Variants in RIT2 observed in about 807,000 individuals in gnomAD.
RIT2 encodes GTP-binding protein Rit2.
Under a neutral mutation model 23.7 loss-of-function variants are expected in RIT2, and 24 were observed. That is an observed-to-expected ratio of 1.01 (90% CI 0.73 to 1.43). The LOEUF (loss-of-function observed/expected upper bound fraction) is 1.43. RIT2 is among the 40% of genes most tolerant of loss of function. RIT2 has a pLI of 0.00. For synonymous variants in RIT2, 107 were observed against 91.1 expected (o/e 1.17, Z -0.99); for missense variants, 236 against 266.9 (o/e 0.88, Z 0.81).
rs989818083 is a variant in RIT2 at position 42,974,073 on chromosome 18, C to T, written c.234+1G>A. On this transcript the variant is annotated splice_donor_variant, in intron 3 of 4. Coordinates refer to ENST00000326695, the MANE Select transcript of RIT2 (RefSeq NM_002930.4). LOFTEE classifies it high-confidence loss of function. The stretch of plus-strand genomic sequence containing the variant: ...TGGAGAGGTTTAAGAACATCACCTA[C>T]CTGGCCAGCAGTGTCCAAGATGTCC... 3 of 1,607,682 alleles carry T rather than the reference C, an allele frequency of 1.9e-6. No homozygotes were observed. The highest frequency in any genetic ancestry group is 3.4e-5 in the Admixed American group (2 of 59,588).
intron 2 of RIT2, among the ~76,000 whole-genome samples, chr18:43,033,418 T>C (rs1312218040): frequency 6.6e-6 from 1 of 152,148 alleles, no homozygotes; most frequent in East Asian, 1.9e-4. Context: ...TAAATAACTC[T>C]GCAGTAGAAA....
At chr18:42,919,865 T>C (rs903571867) in intron 4 of RIT2, among the ~76,000 whole-genome samples, 2 of 152,124 alleles carry the variant, frequency 1.3e-5, no homozygotes, top group South Asian at 2.1e-4. Flanking sequence ...TCTCCTTCTA[T>C]TCTCCAGTGG....
intron 4 of RIT2, among the ~76,000 whole-genome samples, chr18:42,869,378 G>A (rs138011870): frequency 9.2e-5 from 14 of 152,306 alleles, no homozygotes; most frequent in African/African-American, 1.7e-4. Context: ...CCTGCAGCCC[G>A]GTTCCAGGCC....
In RIT2 at chr18:42,881,928, A is replaced by G. The variant is rs540847153; in HGVS notation, c.426+41644T>C. On this transcript the variant is annotated intron_variant, in intron 4 of 4. Coordinates refer to ENST00000326695, the MANE Select transcript of RIT2 (RefSeq NM_002930.4). Reference sequence around the variant, plus strand: ...TTTTTACTTGTCATCTCAGGCATACAGGCGGATCACTCCAAACCACATTGC... The same window carrying G: ...TTTTTACTTGTCATCTCAGGCATACGGGCGGATCACTCCAAACCACATTGC... Among the ~76,000 whole-genome samples the G allele has an allele frequency of 4.6e-5, 7 of 152,372 alleles. No individual in the cohort carries two copies. In the East Asian group the frequency reaches 1.2e-3, roughly 25 times the overall value.
intron 2 of RIT2, among the ~76,000 whole-genome samples, chr18:42,992,925 C>T (rs1301860244): frequency 3.3e-5 from 5 of 152,122 alleles, no homozygotes; most frequent in African/African-American, 4.8e-5. Flanking sequence ...AATCTGCTCC[C>T]GACATGAAAT....
rs1270657417 is a variant in RIT2, at chr18:42,795,504, T to G, written c.427-51784A>C. On this transcript the variant is annotated intron_variant, in intron 4 of 4. Transcript: ENST00000326695. ...CTCGGGACCGGCAGCCCGCCATGCTTGAGCCTCCCACCCCCTCCATGGGCT... is the reference window on the plus strand; with the variant it reads ...CTCGGGACCGGCAGCCCGCCATGCTGGAGCCTCCCACCCCCTCCATGGGCT... Among the ~76,000 whole-genome samples, 3 of 152,356 alleles carry G rather than the reference T, an allele frequency of 2.0e-5. No individual in the cohort carries two copies. The East Asian group carries it at 5.8e-4, about 29-fold the overall frequency.
intron 4 of RIT2, among the ~76,000 whole-genome samples, chr18:42,787,210 A>G (rs1396658305): frequency 2.2e-5 from 3 of 137,008 alleles, no homozygotes; most frequent in Non-Finnish European, 4.5e-5. Flanking sequence ...ATTCCCACCT[A>G]TGAATGAGAA....
At chr18:42,997,997 A>G (rs1911024598) in intron 2 of RIT2, among the ~76,000 whole-genome samples, 1 of 152,194 alleles carries the variant, frequency 6.6e-6, no homozygotes, top group Admixed American at 6.5e-5. Flanking sequence ...CATCTAAGCC[A>G]CAGAACAATG....
chr18:42,810,036 TAA>T (rs1002983263), intron 4 of RIT2, among the ~76,000 whole-genome samples: 6 of 146,706 alleles, frequency 4.1e-5, no homozygotes, highest in African/African-American at 7.4e-5. Flanking sequence ...TATGTATATA[TAA>T]GTTACATATG....
rs146334344 is a variant in RIT2 at position 42,957,243 on chromosome 18, C to T, written c.234+16831G>A. Among the ~76,000 whole-genome samples, 4 of 152,226 alleles carry T rather than the reference C, an allele frequency of 2.6e-5. No individual in the cohort carries two copies. The East Asian group carries it at 7.7e-4, about 29-fold the overall frequency. ...ATTTTTGCACAAAATATCCATAATG[C>T]ATCCTTCATGCTTTATATTTTGATA... On this transcript the variant is annotated intron_variant, in intron 3 of 4. Coordinates refer to ENST00000326695, the MANE Select transcript of RIT2 (RefSeq NM_002930.4).
At position 42,914,354 on chromosome 18, in the gene RIT2, C is replaced by A. The variant is rs573596313; in HGVS notation, c.426+9218G>T. On this transcript the variant is annotated intron_variant, in intron 4 of 4. Coordinates refer to ENST00000326695, the MANE Select transcript of RIT2 (RefSeq NM_002930.4). ...GAAACTTGTGTGTGAATGCCCATAG[C>A]AGCTTTCTTCATAATAGCACCAAAC... is the stretch of plus-strand genomic sequence containing the variant. 2.6e-5 allele frequency among the ~76,000 whole-genome samples: 4 copies of A among 152,198 alleles called. No individual in the cohort carries two copies. In the East Asian group the frequency reaches 5.8e-4, roughly 22 times the overall value.
intron 4 of RIT2, among the ~76,000 whole-genome samples, chr18:42,906,138 A>G (rs1468519487): frequency 6.6e-6 from 1 of 151,430 alleles, no homozygotes; most frequent in Non-Finnish European, 1.5e-5. Flanking sequence ...TTGAATACCA[A>G]TTTTAAATAG....
chr18:42,765,556 C>T (rs961891074), intron 4 of RIT2, among the ~76,000 whole-genome samples: 3 of 152,100 alleles, frequency 2.0e-5, no homozygotes, highest in South Asian at 2.1e-4. Context: ...AAGGTCAGCC[C>T]TCACATACTG....
intron 1 of RIT2, among the ~76,000 whole-genome samples, chr18:43,071,571 T>C (rs1912897857): frequency 6.6e-6 from 1 of 152,210 alleles, no homozygotes; most frequent in Admixed American, 6.5e-5. Context: ...ATATGTGCCT[T>C]TTGAATCATC....
At chr18:42,975,763 C>T (rs552027929) in intron 2 of RIT2, among the ~76,000 whole-genome samples, 1 of 152,116 alleles carries the variant, frequency 6.6e-6, no homozygotes, top group Non-Finnish European at 1.5e-5. Flanking sequence ...CCCAAACTCC[C>T]ACCATGTTCC....
At chr18:43,105,022 T>C (rs1000639175) in intron 1 of RIT2, among the ~76,000 whole-genome samples, 5 of 152,030 alleles carry the variant, frequency 3.3e-5, no homozygotes, top group African/African-American at 7.2e-5. Flanking sequence ...TTAAAAGCCA[T>C]AGCCCCTCTA....
intron 3 of RIT2, among the ~76,000 whole-genome samples, chr18:42,966,641 T>C (rs909947601): frequency 6.6e-6 from 1 of 152,168 alleles, no homozygotes; most frequent in Non-Finnish European, 1.5e-5. Flanking sequence ...TTGACATTTC[T>C]TTCTCCAGTT....
chr18:42,784,516 T>A (rs1913881856), intron 4 of RIT2, among the ~76,000 whole-genome samples: 1 of 152,096 alleles, frequency 6.6e-6, no homozygotes, highest in Non-Finnish European at 1.5e-5. Context: ...TCCAACATGC[T>A]TTACATGGTA....
At chr18:42,952,879 T>C (rs1421826178) in intron 3 of RIT2, among the ~76,000 whole-genome samples, 1 of 151,920 alleles carries the variant, frequency 6.6e-6, no homozygotes, top group Non-Finnish European at 1.5e-5. Flanking sequence ...GTATTTTGGG[T>C]AAACATTATC....
Sources: gnomAD v4.1 joint callset for allele counts (sites outside exome capture counted in the v4.1 genomes callset) on GRCh38, gnomAD v4.1.1 for gene constraint, MANE v1.5 for transcripts, NCBI Gene and HGNC (gene_info 2026-07-23, HGNC 2026-07-21) for gene names.